The following PTPRD variants were observed in gnomAD, a reference collection of about 807,000 sequenced individuals.
PTPRD encodes receptor-type tyrosine-protein phosphatase delta.
In PTPRD, 34 loss-of-function variants were observed where a neutral mutation model predicts 214.5. That is an observed-to-expected ratio of 0.16 (90% CI 0.12 to 0.21). PTPRD has a LOEUF of 0.21. Ranked by LOEUF, PTPRD falls within the 10% of genes least tolerant of loss-of-function variation. The pLI is 1.00. For synonymous variants in PTPRD, 1,128 were observed against 845.7 expected (o/e 1.33, Z -5.79); for missense variants, 2,545 against 2,398.7 (o/e 1.06, Z -1.27).
At position 9,681,066 on chromosome 9, in the gene PTPRD, A is replaced by G. The variant is rs1024527648; in HGVS notation, c.-287+53467T>C. 3.3e-5 allele frequency among the ~76,000 whole-genome samples: 5 copies of G among 151,986 alleles called. No homozygotes were observed. In the East Asian group the frequency reaches 7.8e-4, roughly 24 times the overall value. ...TTTTATTGCACTTTTCAAATTTGTA[A>G]TAGAGATTTCAAAATAAGCATATGT... On this transcript the variant is annotated intron_variant, in intron 7 of 45. Coordinates refer to ENST00000381196, the MANE Select transcript of PTPRD (RefSeq NM_002839.4).
intron 11 of PTPRD, among the ~76,000 whole-genome samples, chr9:8,856,974 T>G (rs1455249154): frequency 6.6e-6 from 1 of 152,232 alleles, no homozygotes. Context: ...GCTTTCTTTT[T>G]AAATTGTTTC....
chr9:10,555,086 A>G (rs1330808220), intron 2 of PTPRD, among the ~76,000 whole-genome samples: 1 of 152,234 alleles, frequency 6.6e-6, no homozygotes, highest in African/African-American at 2.4e-5. Flanking sequence ...TGGTCCAGCT[A>G]GAGTCTTTGT....
chr9:9,982,285 C>CGT (rs940870085), intron 4 of PTPRD, among the ~76,000 whole-genome samples: 49 of 152,298 alleles, frequency 3.2e-4, no homozygotes, highest in African/African-American at 1.1e-3. Flanking sequence ...GACCAAACAA[C>CGT]ACCCATATTT....
At chr9:9,498,782 G>A (rs760077187) in intron 8 of PTPRD, among the ~76,000 whole-genome samples, 1 of 152,034 alleles carries the variant, frequency 6.6e-6, no homozygotes, top group Non-Finnish European at 1.5e-5. Context: ...GTGAATAATT[G>A]TAAGACAGGA....
At chr9:9,748,622 A>G (rs1421662507) in intron 6 of PTPRD, among the ~76,000 whole-genome samples, 1 of 152,200 alleles carries the variant, frequency 6.6e-6, no homozygotes, top group Non-Finnish European at 1.5e-5. Context: ...AACCAATTTC[A>G]ATGACTGATA....
chr9:9,746,923 TA>T (rs1268861876), intron 6 of PTPRD, among the ~76,000 whole-genome samples: 1 of 149,836 alleles, frequency 6.7e-6, no homozygotes, highest in East Asian at 2.0e-4. Context: ...CAAAGTTGAA[TA>T]AAAAGGAAAC....
chr9:10,429,437 G>A (rs957474086), intron 2 of PTPRD, among the ~76,000 whole-genome samples: 1 of 151,644 alleles, frequency 6.6e-6, no homozygotes. Context: ...TCAACCTAAG[G>A]GTCTATCAAC....
intron 3 of PTPRD, among the ~76,000 whole-genome samples, chr9:10,288,440 G>C (rs897627088): frequency 2.0e-5 from 3 of 152,016 alleles, no homozygotes; most frequent in Non-Finnish European, 4.4e-5. Context: ...AATGACCCAA[G>C]TAAAGAAACA....
intron 14 of PTPRD, among the ~76,000 whole-genome samples, chr9:8,536,493 T>A (rs2076963386): frequency 6.6e-6 from 1 of 151,926 alleles, no homozygotes; most frequent in Non-Finnish European, 1.5e-5. Flanking sequence ...GGCTTCTCAT[T>A]CCCTCAGGAT....
chr9:10,516,307 C>T (rs1050343764), intron 2 of PTPRD, among the ~76,000 whole-genome samples: 1 of 151,800 alleles, frequency 6.6e-6, no homozygotes, highest in Non-Finnish European at 1.5e-5. Flanking sequence ...TTTTGATTTG[C>T]ACTTCTTGAC....
At chr9:9,137,273 A>G (rs2099852349) in intron 10 of PTPRD, among the ~76,000 whole-genome samples, 1 of 152,180 alleles carries the variant, frequency 6.6e-6, no homozygotes, top group Admixed American at 6.5e-5. Context: ...AGGTTTCTGT[A>G]TAACCTTCCT....
chr9:9,058,355 A>G (rs567935728), intron 10 of PTPRD, among the ~76,000 whole-genome samples: 4 of 150,604 alleles, frequency 2.7e-5, no homozygotes, highest in Non-Finnish European at 5.9e-5. Context: ...TTTGGATTGG[A>G]CTGGACTGGC....
At chr9:9,126,067 T>C (rs557932059) in intron 10 of PTPRD, among the ~76,000 whole-genome samples, 2 of 152,262 alleles carry the variant, frequency 1.3e-5, no homozygotes, top group Admixed American at 1.3e-4. Context: ...GAGATGAGAT[T>C]TACCCTGTTG....
At chr9:9,148,353 A>G (rs2099872159) in intron 10 of PTPRD, among the ~76,000 whole-genome samples, 1 of 152,210 alleles carries the variant, frequency 6.6e-6, no homozygotes, top group African/African-American at 2.4e-5. Flanking sequence ...AGAAGAAAAT[A>G]TAGTATGTTT....
At chr9:9,543,409 T>G (rs1165360560) in intron 8 of PTPRD, among the ~76,000 whole-genome samples, 1 of 151,770 alleles carries the variant, frequency 6.6e-6, no homozygotes, top group East Asian at 1.9e-4. Flanking sequence ...TATAAACAAT[T>G]GCTAAATTCT....
At chr9:10,008,852 A>G (rs534614349) in intron 4 of PTPRD, among the ~76,000 whole-genome samples, 1 of 152,150 alleles carries the variant, frequency 6.6e-6, no homozygotes, top group Admixed American at 6.6e-5. Context: ...AAAGAACCAC[A>G]CTTGCCTCTG....
At chr9:10,489,988 C>T (rs1428037116) in intron 2 of PTPRD, among the ~76,000 whole-genome samples, 2 of 152,096 alleles carry the variant, frequency 1.3e-5, no homozygotes, top group Non-Finnish European at 1.5e-5. Flanking sequence ...ATTTTTGGTT[C>T]TTATGAAGGC....
intron 5 of PTPRD, among the ~76,000 whole-genome samples, chr9:9,783,579 T>A (rs999746250): frequency 4.6e-5 from 7 of 152,116 alleles, no homozygotes; most frequent in African/African-American, 1.7e-4. Context: ...TAATTATAAT[T>A]TTATCAAACT....
chr9:9,372,352 C>G (rs186325170), intron 9 of PTPRD, among the ~76,000 whole-genome samples: 1 of 152,124 alleles, frequency 6.6e-6, no homozygotes, highest in African/African-American at 2.4e-5. Context: ...GAATTGATCC[C>G]TTTACAATTA....
Sources: allele counts gnomAD v4.1 joint callset (sites outside exome capture counted in the v4.1 genomes callset), GRCh38; gene constraint gnomAD v4.1.1; transcripts MANE v1.5; gene names NCBI Gene and HGNC (gene_info 2026-07-23, HGNC 2026-07-21).